NCKAP5: variants seen among roughly 807,000 people sequenced by gnomAD.
NCKAP5 encodes the protein NCK associated protein 5.
Under a neutral mutation model 167.0 loss-of-function variants are expected in NCKAP5, and 92 were observed. The ratio of observed to expected loss-of-function variants is 0.55; its 90% confidence interval spans 0.47 to 0.66. The LOEUF (loss-of-function observed/expected upper bound fraction) is 0.66, where lower values mean the gene tolerates loss of function less well. Among genes scored for constraint, NCKAP5 ranks in the 30% least tolerant of loss-of-function variants. The probability of loss-of-function intolerance (pLI) is 0.00; values close to 1 mark genes in which losing one functional copy is unlikely to be tolerated. For missense variants in NCKAP5, 2,378 were observed against 2,315.0 expected (o/e 1.03, Z -0.56); for synonymous variants, 891 against 877.4 (o/e 1.02, Z -0.27).
the NCKAP5 span, among the ~76,000 whole-genome samples, chr2:133,590,058 G>A: frequency 2.9e-3 from 444 of 152,058 alleles, 5 homozygotes; most frequent in African/African-American, 0.01. Flanking sequence ...TTTGTTAACC[G>A]GGGCTCCTCA....
At position 132,781,946 on chromosome 2, in the gene NCKAP5, A is replaced by G. The variant is rs746473981; in HGVS notation, c.4865T>C (p.Leu1622Ser). The G allele has an allele frequency of 7.4e-6, 12 of 1,610,860 alleles. No homozygotes were observed. In the South Asian group the frequency reaches 7.7e-5, roughly 10 times the overall value. ...STKDTFMTEL[L>S]NRVDKKAAPQ... ...TGCTTTTCCAGTGAGTTACCTGTTC[A>G]AGAGTTCCGTCATGAAGGTGTCTTT... is the stretch of plus-strand genomic sequence containing the variant. The change falls in exon 14 of 20, where the codon TTG (leucine) becomes TCG (serine). Residue 1622 changes from leucine (L) to serine (S), a missense_variant. This residue lies in a region of NCKAP5 where 1,325 missense variants were observed against 1,274.5 expected (regional missense o/e 1.04). Coordinates refer to ENST00000409261, the MANE Select transcript of NCKAP5 (RefSeq NM_207363.3).
rs1173764559 is a variant in NCKAP5 at position 132,965,564 on chromosome 2, TA to T, written c.430-1696del. 1.3e-4 allele frequency among the ~76,000 whole-genome samples: 20 copies of T among 152,286 alleles called. No individual in the cohort carries two copies. The East Asian group carries it at 2.9e-3, about 22-fold the overall frequency. ...CACTCAGCATATGCCACTTATATTT[TA>T]TACATATACATATGTATATATGCAC... On this transcript the variant is annotated intron_variant, in intron 7 of 19. Transcript: ENST00000409261.
chr2:133,171,671 C>T (rs2084255407), intron 5 of NCKAP5, among the ~76,000 whole-genome samples: 2 of 152,206 alleles, frequency 1.3e-5, no homozygotes, highest in South Asian at 4.1e-4. Context: ...TTCTTCCTCT[C>T]CCAGCTCCAG....
intron 19 of NCKAP5, among the ~76,000 whole-genome samples, chr2:132,689,340 T>C (rs1029743182): frequency 6.6e-6 from 1 of 152,234 alleles, no homozygotes; most frequent in Admixed American, 6.5e-5. Context: ...TGGGCTGAAC[T>C]GACACAAGAT....
chr2:133,283,225 T>C (rs529844915), intron 4 of NCKAP5, among the ~76,000 whole-genome samples: 5 of 152,240 alleles, frequency 3.3e-5, no homozygotes, highest in African/African-American at 1.2e-4. Context: ...TAAGATAACA[T>C]AATATCATGA....
chr2:133,647,755 A>AGGAAGGAAGGAAGG, the NCKAP5 span, among the ~76,000 whole-genome samples: 2 of 143,828 alleles, frequency 1.4e-5, no homozygotes, highest in Admixed American at 1.4e-4. Context: ...GAAGGAAAGA[A>AGGAAGGAAGGAAGG]AAGAAAAGAA....
intron 6 of NCKAP5, among the ~76,000 whole-genome samples, chr2:133,041,133 C>T (rs1026855006): frequency 6.6e-6 from 1 of 152,114 alleles, no homozygotes; most frequent in Non-Finnish European, 1.5e-5. Flanking sequence ...AATGTGTATT[C>T]CACATGGGGT....
chr2:133,455,920 TG>T (rs1346635228), intron 3 of NCKAP5, among the ~76,000 whole-genome samples: 1 of 152,142 alleles, frequency 6.6e-6, no homozygotes, highest in Non-Finnish European at 1.5e-5. Context: ...AAAAACGCAC[TG>T]TAACTTAATT....
At chr2:133,069,942 T>C (rs1441673704) in intron 6 of NCKAP5, among the ~76,000 whole-genome samples, 2 of 152,162 alleles carry the variant, frequency 1.3e-5, no homozygotes, top group Non-Finnish European at 2.9e-5. Flanking sequence ...CTTTATTTTA[T>C]ATTCCAAAAT....
At chr2:132,817,982 C>A (rs1400072067) in intron 11 of NCKAP5, among the ~76,000 whole-genome samples, 2 of 152,196 alleles carry the variant, frequency 1.3e-5, no homozygotes, top group Non-Finnish European at 2.9e-5. Context: ...GGGTCTCACC[C>A]CATTGCCCAG....
chr2:133,554,982 TTCTTGTTG>T (rs1412922165), intron 2 of NCKAP5, among the ~76,000 whole-genome samples: 2 of 152,080 alleles, frequency 1.3e-5, no homozygotes, highest in African/African-American at 4.8e-5. Context: ...CTTGGAAGTG[TTCTTGTTG>T]TCTTGGTGTT....
rs2320934 is a variant in NCKAP5 at position 133,488,033 on chromosome 2, C to A, written c.69+29425G>T. On this transcript the variant is annotated intron_variant, in intron 3 of 19. Coordinates refer to ENST00000409261, the MANE Select transcript of NCKAP5 (RefSeq NM_207363.3). ...CTTTATTGAGGGTTTGATCTGTGAC[C>A]TTTGGTATATACCTTAATCTCTCCC... Among the ~76,000 whole-genome samples the A allele has an allele frequency of 9.9e-4, 151 of 152,256 alleles. 2 individuals are homozygous for A. In the East Asian group the frequency reaches 0.027, roughly 27 times the overall value.
intron 19 of NCKAP5, among the ~76,000 whole-genome samples, chr2:132,683,012 T>C (rs1685447028): frequency 2.0e-5 from 3 of 151,532 alleles, no homozygotes; most frequent in African/African-American, 7.3e-5. Context: ...GTCTCCCAAG[T>C]AGTTGAGATT....
Position 132,782,942 on chromosome 2 carries a change from G to T in NCKAP5, c.3869C>A (p.Pro1290His). 2 of 1,614,034 alleles carry T rather than the reference G, an allele frequency of 1.2e-6. No homozygotes were observed. The highest frequency in any genetic ancestry group is 1.7e-6 in the Non-Finnish European group (2 of 1,179,892). ...GCGGACTTTGCCTGACCCTTCGATG[G>T]GGGGCGTAGAAGGCTTGTCTCCTGA... Reference protein sequence around the residue: ...THSGDKPSTPPIEGSGKVRTQ... With the variant: ...THSGDKPSTPHIEGSGKVRTQ... The change falls in exon 14 of 20, where the codon CCC becomes CAC. Residue 1290 changes from proline to histidine, a missense_variant. Coordinates refer to ENST00000409261, the MANE Select transcript of NCKAP5 (RefSeq NM_207363.3).
the NCKAP5 span, among the ~76,000 whole-genome samples, chr2:133,615,412 G>A: frequency 2.0e-5 from 3 of 152,014 alleles, no homozygotes; most frequent in African/African-American, 4.8e-5. Flanking sequence ...CTCATCTCAT[G>A]TGCAGAGACA....
chr2:132,806,747 T>C (rs1685472772), intron 11 of NCKAP5, among the ~76,000 whole-genome samples: 1 of 152,234 alleles, frequency 6.6e-6, no homozygotes, highest in African/African-American at 2.4e-5. Context: ...GACTGTTCCT[T>C]TTGCTGTGCA....
chr2:133,539,590 A>G (rs1402152254), intron 2 of NCKAP5, among the ~76,000 whole-genome samples: 1 of 152,210 alleles, frequency 6.6e-6, no homozygotes, highest in Non-Finnish European at 1.5e-5. Context: ...AAACAAAAAC[A>G]AATGTATAGG....
intron 6 of NCKAP5, among the ~76,000 whole-genome samples, chr2:133,077,782 A>T (rs1197333732): frequency 6.6e-6 from 1 of 152,166 alleles, no homozygotes; most frequent in East Asian, 1.9e-4. Flanking sequence ...GCTTCTGCAC[A>T]TTTTAGAAGA....
In NCKAP5 at chr2:132,783,589, C is replaced by T. The variant is rs1156721822; in HGVS notation, c.3222G>A (p.Glu1074=). The change falls in exon 14 of 20, where the codon GAG becomes GAA. Residue 1074 remains glutamate (E), a synonymous_variant. Transcript: ENST00000409261. The stretch of plus-strand genomic sequence containing the variant: ...TTTTGGAGGACGTCATTTCCAGTGG[C>T]TCATGGGTTGAAGGAGAGATCCTGG... ...QTPRISPSTH[E]PLEMTSSKSV... 1.9e-6 allele frequency: 3 copies of T among 1,613,826 alleles called. No individual in the cohort carries two copies. The highest frequency in any genetic ancestry group is 2.2e-5 in the South Asian group (2 of 91,088).
Sources: gnomAD v4.1 joint callset for allele counts (sites outside exome capture counted in the v4.1 genomes callset) on GRCh38, gnomAD v4.1.1 for gene constraint, gnomAD v4.1.1 regional missense constraint, MANE v1.5 for transcripts, NCBI Gene and HGNC (gene_info 2026-07-23, HGNC 2026-07-21) for gene names.